The following PLAC1 variants were observed in gnomAD, a reference collection of about 807,000 sequenced individuals.
The protein encoded by PLAC1 is placenta-specific protein 1.
For synonymous variants in PLAC1, 68 were observed against 62.1 expected (o/e 1.09, Z -0.44); for missense variants, 136 against 163.2 (o/e 0.83, Z 0.91).
rs1229444413 is a variant in PLAC1 at position 134,696,932 on chromosome X, T to C, written n.174+36503A>G. 9.4e-5 allele frequency among the ~76,000 whole-genome samples: 10 copies of C among 106,540 alleles called. No individual in the cohort carries two copies. The Admixed American group carries it at 1.0e-3, about 11-fold the overall frequency. 92.5% of individuals were successfully genotyped at this position (106,540 alleles called of 115,157 possible). On this transcript the variant is annotated intron_variant and non_coding_transcript_variant, in intron 2 of 2. Transcript: ENST00000466797. ...CTGTAGTCCCAACCACTCGGGAGGC[T>C]GACACAGGAAGAATGGCGTGAACCC... is the stretch of plus-strand genomic sequence containing the variant.
At chrX:134,606,938 T>C (rs142952608) in intron 1 of PLAC1, among the ~76,000 whole-genome samples, 94 of 112,308 alleles carry the variant, frequency 8.4e-4, no homozygotes, top group African/African-American at 2.9e-3. Context: ...ATGTTCACTA[T>C]TCGAGTGATG....
chrX:134,595,352 T>C (rs899748438), intron 2 of PLAC1, among the ~76,000 whole-genome samples: 1 of 110,598 alleles, frequency 9.0e-6, no homozygotes, highest in African/African-American at 3.3e-5. Context: ...TCTATACATG[T>C]TGATTAGATC....
intron 2 of PLAC1, among the ~76,000 whole-genome samples, chrX:134,585,028 T>C (rs1284049194): frequency 9.1e-6 from 1 of 110,467 alleles, no homozygotes; most frequent in Non-Finnish European, 1.9e-5. Flanking sequence ...ATGATGCCAC[T>C]TAAAATTTAA....
At chrX:134,569,788 T>TGTGTGTTTG in intron 2 of PLAC1, among the ~76,000 whole-genome samples, 1 of 47,393 alleles carries the variant, frequency 2.1e-5, no homozygotes, top group East Asian at 7.0e-4. Flanking sequence ...GTGTGTGTGT[T>TGTGTGTTTG]TGTGTGTGTG....
At chrX:134,722,984 A>G (rs974927803) in intron 2 of PLAC1, among the ~76,000 whole-genome samples, 1 of 110,491 alleles carries the variant, frequency 9.1e-6, no homozygotes, top group African/African-American at 3.3e-5. Context: ...TGTCTCAAAA[A>G]AAAAAAAAGA....
intron 2 of PLAC1, among the ~76,000 whole-genome samples, chrX:134,705,021 T>TATATACACACAC (rs1284412646): frequency 4.1e-5 from 4 of 98,338 alleles, no homozygotes; most frequent in African/African-American, 1.6e-4. Flanking sequence ...TATATATATA[T>TATATACACACAC]ACACACACAC....
intron 2 of PLAC1, among the ~76,000 whole-genome samples, chrX:134,716,139 G>A (rs1393947132): frequency 8.9e-6 from 1 of 112,001 alleles, no homozygotes; most frequent in Non-Finnish European, 1.9e-5. Context: ...CAGCTCCCCC[G>A]GGTCTCTCTA....
At chrX:134,591,154 A>G (rs2078037679) in intron 2 of PLAC1, among the ~76,000 whole-genome samples, 1 of 112,102 alleles carries the variant, frequency 8.9e-6, no homozygotes, top group African/African-American at 3.2e-5. Context: ...GTAGGTCTCT[A>G]TCTTTCATCT....
intron 1 of PLAC1, 87 bp from the exon 2 acceptor site, chrX:134,602,209 C>T (rs4345730): frequency 0.24 from 26,202 of 111,377 alleles, 2,737 homozygotes; most frequent in African/African-American, 0.38. Context: ...GAGTTAGCAA[C>T]GGTCAGAACA....
chrX:134,733,733 T>C (rs2078695483), intron 1 of PLAC1: 1 of 109,481 alleles, frequency 9.1e-6, no homozygotes, highest in African/African-American at 3.3e-5. Context: ...CTGAGCAGGG[T>C]GGGTTGGCAG....
At chrX:134,589,114 T>C (rs2078021682) in intron 2 of PLAC1, among the ~76,000 whole-genome samples, 1 of 111,108 alleles carries the variant, frequency 9.0e-6, no homozygotes, top group Non-Finnish European at 1.9e-5. Flanking sequence ...CAGGGAGGGC[T>C]CCAATGTGAG....
intron 1 of PLAC1, among the ~76,000 whole-genome samples, chrX:134,628,842 T>G (rs1396910949): frequency 1.8e-5 from 2 of 111,758 alleles, no homozygotes; most frequent in Non-Finnish European, 3.8e-5. Flanking sequence ...GTGAGAATGT[T>G]GGATCATAGT....
At chrX:134,605,649 T>G (rs1393276552) in intron 1 of PLAC1, 3 of 110,352 alleles carry the variant, frequency 2.7e-5, no homozygotes, top group African/African-American at 9.9e-5. Context: ...GGAGAGGAGG[T>G]TGCTGTGAGG....
intron 2 of PLAC1, among the ~76,000 whole-genome samples, chrX:134,665,631 C>T (rs1422906751): frequency 9.0e-6 from 1 of 111,125 alleles, no homozygotes; most frequent in Non-Finnish European, 1.9e-5. Flanking sequence ...GGGATGATGC[C>T]ATTATTCCCC....
intron 2 of PLAC1, among the ~76,000 whole-genome samples, chrX:134,677,995 G>T (rs543609821): frequency 7.2e-5 from 8 of 111,332 alleles, no homozygotes; most frequent in Admixed American, 1.9e-4. Flanking sequence ...GGGGATAAGG[G>T]TAAGAGAGAA....
In PLAC1 at chrX:134,593,820, C is replaced by T. The variant is rs193283437; in HGVS notation, c.-59+8231G>A. Among the ~76,000 whole-genome samples, 409 of 111,829 alleles carry T rather than the reference C, an allele frequency of 3.7e-3. 1 individual carries two copies. The highest frequency in any genetic ancestry group is 0.013 in the African/African-American group (396 of 30,898). On this transcript the variant is annotated intron_variant, in intron 2 of 2. Coordinates refer to ENST00000359237, the MANE Select transcript of PLAC1 (RefSeq NM_021796.4). ...TAAAAAAAATAGTTTTCTTGCTATT[C>T]TCTATACAGACCATCATGTCATCTG...
In PLAC1 at chrX:134,684,536, T is replaced by C. The variant is rs534613721; in HGVS notation, n.174+48899A>G. ...TTACATCCTCGAAAGACAGGTCATC[T>C]GTCCTAGCTACTTCCCATTGTCCTA... On this transcript the variant is annotated intron_variant and non_coding_transcript_variant, in intron 2 of 2. Coordinates refer to the PLAC1 transcript ENST00000466797. Among the ~76,000 whole-genome samples the C allele has an allele frequency of 6.3e-5, 7 of 111,564 alleles. No individual in the cohort carries two copies. The South Asian group carries it at 2.7e-3, about 42-fold the overall frequency.
At chrX:134,714,573 C>T (rs1179417322) in intron 2 of PLAC1, among the ~76,000 whole-genome samples, 3 of 111,443 alleles carry the variant, frequency 2.7e-5, no homozygotes, top group African/African-American at 6.5e-5. Context: ...GTGCCACCAG[C>T]GCCACCCTCC....
At chrX:134,659,147 C>T (rs764644001), upstream of PLAC1, among the ~76,000 whole-genome samples, 12 of 109,843 alleles carry the variant, frequency 1.1e-4, no homozygotes, top group Non-Finnish European at 1.9e-4. Context: ...AGCAAACCAC[C>T]ATGGCACATG....
Sources: allele counts gnomAD v4.1 joint callset (sites outside exome capture counted in the v4.1 genomes callset), GRCh38; gene constraint gnomAD v4.1.1; transcripts MANE v1.5; gene names NCBI Gene and HGNC (gene_info 2026-07-23, HGNC 2026-07-21).